Variants in CFAP54 observed in about 807,000 individuals in gnomAD.
CFAP54 encodes cilia- and flagella-associated protein 54.
A neutral mutation model predicts 370.4 loss-of-function variants in CFAP54; 290 were observed. The observed-to-expected ratio is 0.78, with a 90% CI of 0.71 to 0.86. The LOEUF is 0.86. Ranked by LOEUF, CFAP54 falls within the 40% of genes least tolerant of loss-of-function variation. The pLI is 0.00. For synonymous variants in CFAP54, 1,206 were observed against 1,236.5 expected (o/e 0.98, Z 0.52); for missense variants, 3,399 against 3,528.7 (o/e 0.96, Z 0.93).
intron 19 of CFAP54, among the ~76,000 whole-genome samples, chr12:96,570,783 T>C (rs936863452): frequency 6.6e-6 from 1 of 152,232 alleles, no homozygotes; most frequent in Non-Finnish European, 1.5e-5. Flanking sequence ...TTTTGTCATA[T>C]CAGAACTATT....
chr12:96,763,096 A>T (rs902751820), intron 58 of CFAP54, among the ~76,000 whole-genome samples: 3 of 152,220 alleles, frequency 2.0e-5, no homozygotes, highest in Admixed American at 2.0e-4. Context: ...AGCTCCATCC[A>T]GATGATTTAA....
intron 32 of CFAP54, among the ~76,000 whole-genome samples, chr12:96,640,630 C>T (rs1956716011): frequency 6.6e-6 from 1 of 152,112 alleles, no homozygotes; most frequent in African/African-American, 2.4e-5. Context: ...CAATCCTAAG[C>T]CAAAAGAACA....
chr12:96,628,141 T>G (rs1956566642), intron 30 of CFAP54, among the ~76,000 whole-genome samples: 1 of 152,214 alleles, frequency 6.6e-6, no homozygotes, highest in Non-Finnish European at 1.5e-5. Context: ...CACTCTATGA[T>G]GTTCACACAA....
rs1284227286 is a variant in CFAP54 at position 96,825,098 on chromosome 12, T to TG, written c.9097-3916_9097-3915insG. On this transcript the variant is annotated intron_variant, in intron 65 of 67. Transcript: ENST00000524981. ...ATCTCTACCAGTTGAAGTTGCACTATTTTTTTCAAGGCTCAATTCTTATGA... is the reference window on the plus strand; with the variant it reads ...ATCTCTACCAGTTGAAGTTGCACTATGTTTTTTCAAGGCTCAATTCTTATGA... Among the ~76,000 whole-genome samples, 12 of 150,522 alleles carry TG rather than the reference T, an allele frequency of 8.0e-5. No individual in the cohort carries two copies. In the East Asian group the frequency reaches 2.4e-3, roughly 30 times the overall value.
In CFAP54 at chr12:96,788,674, T is replaced by TAAAA. The variant is rs574627472; in HGVS notation, c.8679+1778_8679+1781dup. On this transcript the variant is annotated intron_variant, in intron 62 of 67. Transcript: ENST00000524981. ...AGATTAAATTATACATTTTTTTTTT[T>TAAAA]AAAAATCACTCTTTTGAACATTCCT... Among the ~76,000 whole-genome samples the TAAAA allele has an allele frequency of 9.5e-3, 1,441 of 151,856 alleles. 55 individuals are homozygous for TAAAA. In the East Asian group the frequency reaches 0.1, roughly 11 times the overall value.
chr12:96,561,330 A>C lies in CFAP54; in HGVS notation c.2411-3138A>C, dbSNP rs182347017. On this transcript the variant is annotated intron_variant, in intron 17 of 67. Transcript: ENST00000524981. Reference sequence around the variant, plus strand: ...GTTCTCTCTCTGCCTACTGCCATCCATGTGAGATGTGACTTGTTCCTCTTT... The same window carrying C: ...GTTCTCTCTCTGCCTACTGCCATCCCTGTGAGATGTGACTTGTTCCTCTTT... Among the ~76,000 whole-genome samples the C allele has an allele frequency of 1.2e-4, 19 of 152,310 alleles. No homozygotes were observed. The East Asian group carries it at 3.7e-3, about 29-fold the overall frequency.
At chr12:96,795,024 A>G (rs762053328) in intron 63 of CFAP54, among the ~76,000 whole-genome samples, 3 of 152,140 alleles carry the variant, frequency 2.0e-5, no homozygotes, top group African/African-American at 4.8e-5. Flanking sequence ...GGGTCTAGGC[A>G]CCCATCGAAG....
chr12:96,762,178 A>G (rs796706271), intron 58 of CFAP54, among the ~76,000 whole-genome samples: 12 of 152,264 alleles, frequency 7.9e-5, no homozygotes, highest in African/African-American at 2.9e-4. Context: ...CTATTGTCAA[A>G]GGGATTTTTG....
intron 26 of CFAP54, among the ~76,000 whole-genome samples, chr12:96,602,363 G>A (rs1265164814): frequency 6.6e-6 from 1 of 152,132 alleles, no homozygotes; most frequent in African/African-American, 2.4e-5. Flanking sequence ...GCTGAGGAGT[G>A]TTTTACCTCC....
chr12:96,507,747 A>G (rs1484541940), intron 4 of CFAP54, among the ~76,000 whole-genome samples: 4 of 152,176 alleles, frequency 2.6e-5, no homozygotes, highest in Non-Finnish European at 5.9e-5. Flanking sequence ...AACTTCAAGG[A>G]AACATATTGG....
intron 38 of CFAP54, among the ~76,000 whole-genome samples, chr12:96,659,502 T>G (rs1166877408): frequency 6.6e-6 from 1 of 152,166 alleles, no homozygotes; most frequent in Non-Finnish European, 1.5e-5. Flanking sequence ...AAAAATAACT[T>G]TCAGGGCAAA....
chr12:96,797,611 C>T (rs1958779343), intron 63 of CFAP54, among the ~76,000 whole-genome samples: 1 of 151,970 alleles, frequency 6.6e-6, no homozygotes, highest in South Asian at 2.1e-4. Flanking sequence ...TTTTAAATTA[C>T]ATGACCTTTT....
chr12:96,818,842 G>A (rs995671228), intron 65 of CFAP54, among the ~76,000 whole-genome samples: 3 of 152,226 alleles, frequency 2.0e-5, no homozygotes, highest in African/African-American at 7.2e-5. Context: ...AAATCCAAAA[G>A]AAGCTGGAAG....
In CFAP54 at chr12:96,572,263, AC is replaced by A. The variant is rs1955928059; in HGVS notation, c.2620-4321del. ...ATGTAATACCTGCTAAAATAAAGAT[AC>A]TATGTAATGAAGGAAATGGCTTATT... On this transcript the variant is annotated intron_variant, in intron 19 of 67. Coordinates refer to ENST00000524981, the MANE Select transcript of CFAP54 (RefSeq NM_001306084.2). Among the ~76,000 whole-genome samples the A allele has an allele frequency of 3.3e-5, 5 of 152,192 alleles. 2 individuals carry two copies. In the South Asian group the frequency reaches 1.0e-3, roughly 32 times the overall value.
chr12:96,651,867 C>A, intron 36 of CFAP54, 52 bp downstream of exon 36: 2 of 1,154,886 alleles, frequency 1.7e-6, no homozygotes, highest in Non-Finnish European at 2.5e-6. Context: ...AAATATCGTA[C>A]TGTGCATCTT....
At chr12:96,739,715 A>T (rs149029778) in intron 50 of CFAP54, among the ~76,000 whole-genome samples, 3 of 152,280 alleles carry the variant, frequency 2.0e-5, no homozygotes, top group African/African-American at 7.2e-5. Flanking sequence ...GTAGATGCTC[A>T]ATTTCAATAG....
intron 65 of CFAP54, among the ~76,000 whole-genome samples, chr12:96,823,917 A>G (rs563514868): frequency 6.6e-6 from 1 of 152,272 alleles, no homozygotes; most frequent in Admixed American, 6.5e-5. Flanking sequence ...GAGGGAAGCA[A>G]GAGTTTGGAG....
intron 26 of CFAP54, among the ~76,000 whole-genome samples, chr12:96,611,617 G>T (rs1421128892): frequency 1.3e-5 from 2 of 152,128 alleles, no homozygotes; most frequent in Admixed American, 6.6e-5. Context: ...AAAACCCATC[G>T]CAAAGAAGCT....
chr12:96,851,543 AAAACCC>A (rs1959547240), intron 66 of CFAP54, among the ~76,000 whole-genome samples: 1 of 152,108 alleles, frequency 6.6e-6, no homozygotes, highest in Non-Finnish European at 1.5e-5. Context: ...CTATCATTTT[AAAACCC>A]AAACCCAAGC....
Sources: gnomAD v4.1 joint callset for allele counts (sites outside exome capture counted in the v4.1 genomes callset) on GRCh38, gnomAD v4.1.1 for gene constraint, MANE v1.5 for transcripts, NCBI Gene and HGNC (gene_info 2026-07-23, HGNC 2026-07-21) for gene names.